LINGO2: variants seen among roughly 807,000 people sequenced by gnomAD.
The protein encoded by LINGO2 is leucine-rich repeat and immunoglobulin-like domain-containing nogo receptor-interacting protein 2.
Under a neutral mutation model 30.6 loss-of-function variants are expected in LINGO2, and 14 were observed. The observed-to-expected ratio is 0.46, with a 90% CI of 0.30 to 0.72. The LOEUF is 0.72. Among genes scored for constraint, LINGO2 ranks in the 30% least tolerant of loss-of-function variants. LINGO2 has a pLI of 0.07. For missense variants in LINGO2, 729 were observed against 751.7 expected (o/e 0.97, Z 0.35); for synonymous variants, 317 against 288.5 (o/e 1.10, Z -1.00).
intron 4 of LINGO2, among the ~76,000 whole-genome samples, chr9:28,278,120 G>C (rs1408038235): frequency 6.6e-6 from 1 of 152,168 alleles, no homozygotes; most frequent in East Asian, 1.9e-4. Flanking sequence ...GCCTAATCCA[G>C]AGCAAGACCC....
chr9:29,122,719 T>C, the LINGO2 span, among the ~76,000 whole-genome samples: 4,720 of 152,158 alleles, frequency 0.031, 205 homozygotes, highest in African/African-American at 0.1. Flanking sequence ...AGTAATAAGA[T>C]AGAAATGATA....
intron 4 of LINGO2, among the ~76,000 whole-genome samples, chr9:28,087,065 T>C (rs1217744305): frequency 6.6e-6 from 1 of 152,122 alleles, no homozygotes; most frequent in Admixed American, 6.6e-5. Context: ...TGCTGTACCT[T>C]TGGACAAGTC....
At chr9:29,032,623 G>T in the LINGO2 span, among the ~76,000 whole-genome samples, 2 of 152,130 alleles carry the variant, frequency 1.3e-5, no homozygotes, top group African/African-American at 4.8e-5. Flanking sequence ...CTCAGATTCT[G>T]TTGTGTACTC....
the LINGO2 span, among the ~76,000 whole-genome samples, chr9:28,877,195 G>C: frequency 1.3e-5 from 2 of 149,478 alleles, no homozygotes; most frequent in Non-Finnish European, 3.0e-5. Context: ...CTCCCATTTT[G>C]TAGGTTGCCT....
chr9:29,209,437 C>G, the LINGO2 span, among the ~76,000 whole-genome samples: 1 of 151,848 alleles, frequency 6.6e-6, no homozygotes, highest in Admixed American at 6.6e-5. Context: ...ATGGACTGAC[C>G]ATTATAAAGT....
chr9:29,060,115 CT>C, the LINGO2 span, among the ~76,000 whole-genome samples: 1 of 152,114 alleles, frequency 6.6e-6, no homozygotes, highest in African/African-American at 2.4e-5. Flanking sequence ...CTTCTTCACT[CT>C]TCTTTTTTCT....
chr9:28,668,227 T>TA (rs1828877342), intron 1 of LINGO2, among the ~76,000 whole-genome samples: 1 of 152,044 alleles, frequency 6.6e-6, no homozygotes. Flanking sequence ...AGGGGAAGGT[T>TA]AAAATCTCCT....
chr9:28,255,432 T>C (rs922953746), intron 4 of LINGO2, among the ~76,000 whole-genome samples: 1 of 152,086 alleles, frequency 6.6e-6, no homozygotes, highest in Non-Finnish European at 1.5e-5. Context: ...CCTGCTCTAC[T>C]ATTTATTAGC....
At chr9:28,354,225 G>T (rs1413668631) in intron 3 of LINGO2, among the ~76,000 whole-genome samples, 1 of 152,044 alleles carries the variant, frequency 6.6e-6, no homozygotes, top group African/African-American at 2.4e-5. Flanking sequence ...TTTAAATTTT[G>T]GCTTTTAAGG....
At chr9:28,265,999 A>T (rs930243536) in intron 4 of LINGO2, among the ~76,000 whole-genome samples, 1 of 151,984 alleles carries the variant, frequency 6.6e-6, no homozygotes, top group African/African-American at 2.4e-5. Flanking sequence ...AGATACAGAA[A>T]CACCTAGTAA....
intron 2 of LINGO2, among the ~76,000 whole-genome samples, chr9:28,457,848 T>C (rs1425031295): frequency 6.6e-6 from 1 of 152,186 alleles, no homozygotes; most frequent in Non-Finnish European, 1.5e-5. Context: ...CTGTCATTGC[T>C]ATTTTCTTTT....
the LINGO2 span, among the ~76,000 whole-genome samples, chr9:28,767,132 C>G: frequency 6.6e-6 from 1 of 152,110 alleles, no homozygotes; most frequent in Non-Finnish European, 1.5e-5. Flanking sequence ...TACAAACTTT[C>G]AGTTATGTAG....
chr9:27,987,839 T>C (rs1357217334), intron 5 of LINGO2, among the ~76,000 whole-genome samples: 2 of 151,910 alleles, frequency 1.3e-5, no homozygotes, highest in Non-Finnish European at 1.5e-5. Flanking sequence ...CCAAACCAAA[T>C]TGACCTTCCC....
chr9:28,688,335 G>A, the LINGO2 span, among the ~76,000 whole-genome samples: 6 of 152,200 alleles, frequency 3.9e-5, no homozygotes, highest in Admixed American at 2.0e-4. Context: ...ACTGAGCCAA[G>A]AACAAGCTCA....
At chr9:28,886,461 G>T in the LINGO2 span, among the ~76,000 whole-genome samples, 3 of 152,054 alleles carry the variant, frequency 2.0e-5, no homozygotes, top group Non-Finnish European at 2.9e-5. Context: ...TAATTAAAAT[G>T]ACAGGGCTAC....
the LINGO2 span, among the ~76,000 whole-genome samples, chr9:29,070,398 G>C: frequency 1.3e-5 from 2 of 152,100 alleles, no homozygotes; most frequent in Non-Finnish European, 2.9e-5. Flanking sequence ...ATTTGAAGAA[G>C]GAAGCAATGC....
At chr9:28,786,398 T>C in the LINGO2 span, among the ~76,000 whole-genome samples, 1 of 152,152 alleles carries the variant, frequency 6.6e-6, no homozygotes, top group African/African-American at 2.4e-5. Flanking sequence ...GTATCTGTAT[T>C]ATTTATTTTT....
the LINGO2 span, among the ~76,000 whole-genome samples, chr9:29,083,589 A>G: frequency 2.0e-5 from 3 of 152,122 alleles, no homozygotes; most frequent in South Asian, 6.2e-4. Context: ...ATAATAATAA[A>G]AAAAAGAAGA....
At chr9:28,004,572 T>C (rs1822164046) in intron 5 of LINGO2, among the ~76,000 whole-genome samples, 1 of 152,162 alleles carries the variant, frequency 6.6e-6, no homozygotes. Context: ...GTAAGGAGTG[T>C]GATATATTAG....
Sources: gnomAD v4.1 joint callset for allele counts (sites outside exome capture counted in the v4.1 genomes callset) on GRCh38, gnomAD v4.1.1 for gene constraint, MANE v1.5 for transcripts, NCBI Gene and HGNC (gene_info 2026-07-23, HGNC 2026-07-21) for gene names.